IL1R2: variants seen among roughly 807,000 people sequenced by gnomAD.
The protein encoded by IL1R2 is interleukin 1 receptor type 2.
In IL1R2, 46 loss-of-function variants were observed where a neutral mutation model predicts 39.5. That is an observed-to-expected ratio of 1.16 (90% CI 0.92 to 1.49). The LOEUF (loss-of-function observed/expected upper bound fraction) is 1.49. IL1R2 is among the 40% of genes most tolerant of loss of function. The probability of loss-of-function intolerance (pLI) is 0.00; values close to 1 mark genes in which losing one functional copy is unlikely to be tolerated. For missense variants in IL1R2, 537 were observed against 502.0 expected (o/e 1.07, Z -0.67); for synonymous variants, 207 against 189.6 (o/e 1.09, Z -0.75).
intron 3 of IL1R2, among the ~76,000 whole-genome samples, chr2:102,014,566 CAG>C (rs1390417832): frequency 6.6e-6 from 1 of 152,256 alleles, no homozygotes; most frequent in East Asian, 1.9e-4. Flanking sequence ...TAAATATAAA[CAG>C]ATATTGGCTT....
chr2:101,993,033 T>C (rs1675424015), intron 1 of IL1R2, among the ~76,000 whole-genome samples: 1 of 152,140 alleles, frequency 6.6e-6, no homozygotes, highest in Non-Finnish European at 1.5e-5. Flanking sequence ...CAGTGGAATC[T>C]AACACAAGAT....
rs569394644 is a variant in IL1R2 at position 102,016,985 on chromosome 2, T to C, written c.513+934T>C. The stretch of plus-strand genomic sequence containing the variant: ...GAGTAAAGGTACTTGAAATAGTGAT[T>C]TGTGAAGACAGAGTACATAACAGCT... On this transcript the variant is annotated intron_variant, in intron 4 of 8. Coordinates refer to ENST00000332549, the MANE Select transcript of IL1R2 (RefSeq NM_004633.4). 3.3e-5 allele frequency among the ~76,000 whole-genome samples: 5 copies of C among 152,334 alleles called. No individual in the cohort carries two copies. In the South Asian group the frequency reaches 1.0e-3, roughly 32 times the overall value.
rs1473567295 is a variant in IL1R2 at position 102,028,537 on chromosome 2, A to C, written c.*145A>C. ...ATAGTGGCTTTGTAGTAAAGGACTA[A>C]AGTCTTACATTCTGTTTTTTTTTTC... On this transcript the variant is annotated 3_prime_UTR_variant, in exon 9 of 9. Transcript: ENST00000332549. 1.6e-6 allele frequency: 1 copy of C among 635,442 alleles called. No individual in the cohort carries two copies. Among genetic ancestry groups the C allele is most frequent in the Non-Finnish European group, 2.5e-6 (1 of 397,618 alleles). 39.4% of individuals were successfully genotyped at this position (635,442 alleles called of 1,614,324 possible).
chr2:102,014,055 A>G (rs993077284), intron 3 of IL1R2, among the ~76,000 whole-genome samples: 15 of 152,136 alleles, frequency 9.9e-5, no homozygotes, highest in African/African-American at 3.1e-4. Context: ...CTTTTGAGTT[A>G]TTTTTATGAA....
intron 7 of IL1R2, 67 bp downstream of exon 7, chr2:102,024,735 C>G: frequency 6.3e-7 from 1 of 1,596,866 alleles, no homozygotes; most frequent in African/African-American, 1.3e-5. Flanking sequence ...AGACAGTTAT[C>G]ACTATGACCC....
intron 8 of IL1R2, among the ~76,000 whole-genome samples, chr2:102,027,023 T>C (rs1039708969): frequency 6.6e-6 from 1 of 152,204 alleles, no homozygotes; most frequent in Non-Finnish European, 1.5e-5. Flanking sequence ...AAGCCAATGA[T>C]GTGTTCCAGC....
At position 102,015,868 on chromosome 2, in the gene IL1R2, C is replaced by A. The variant is rs1460546907; in HGVS notation, c.333-3C>A. The A allele has an allele frequency of 1.2e-6, 2 of 1,604,940 alleles. No individual in the cohort carries two copies. The highest frequency in any genetic ancestry group is 1.7e-6 in the Non-Finnish European group (2 of 1,173,404). Reference sequence around the variant, plus strand: ...TTTATCTTTTTTTTCCCTTTTAAATCAGAAATGCTTCTTACTGTGACAAAA... The same window carrying A: ...TTTATCTTTTTTTTCCCTTTTAAATAAGAAATGCTTCTTACTGTGACAAAA... On this transcript the variant is annotated splice_polypyrimidine_tract_variant and splice_region_variant and intron_variant, in intron 3 of 8. Transcript: ENST00000332549.
At chr2:102,008,859 CAAA>C (rs763395048) in intron 2 of IL1R2, among the ~76,000 whole-genome samples, 2 of 58,028 alleles carry the variant, frequency 3.4e-5, no homozygotes, top group Non-Finnish European at 4.0e-5. Flanking sequence ...CACGTCTCTA[CAAA>C]AAAAAAAAAA....
Position 102,022,198 on chromosome 2 carries a change from G to C in IL1R2, c.700G>C (p.Glu234Gln), listed in dbSNP as rs1454684686. 6.2e-7 allele frequency: 1 copy of C among 1,613,482 alleles called. No homozygotes were observed. Among genetic ancestry groups the C allele is most frequent in the Non-Finnish European group, 8.5e-7 (1 of 1,179,428 alleles). The change falls in exon 6 of 9, where the codon GAG becomes CAG. Residue 234 changes from glutamate to glutamine, a missense_variant. By Grantham distance (29) the Glu-to-Gln change is conservative (BLOSUM62 2). Transcript: ENST00000332549. The stretch of plus-strand genomic sequence containing the variant: ...TACATCTTTCTCAGAAAAAAAAGAA[G>C]AGACCATTCCTGTGATCATTTCCCC... ...IELRIKKKKE[E>Q]TIPVIISPLK... is the part of the protein sequence containing the mutation.
chr2:102,028,434 C>T lies in IL1R2; in HGVS notation c.*42C>T. On this transcript the variant is annotated 3_prime_UTR_variant, in exon 9 of 9. Coordinates refer to ENST00000332549, the MANE Select transcript of IL1R2 (RefSeq NM_004633.4). ...TAATTCAAACACAAACTCCGTACGTCTTCTCTTATGGAAGTGGCTGTGTCT... is the reference window on the plus strand; with the variant it reads ...TAATTCAAACACAAACTCCGTACGTTTTCTCTTATGGAAGTGGCTGTGTCT... The T allele has an allele frequency of 6.7e-7, 1 of 1,493,252 alleles. No homozygotes were observed. Among genetic ancestry groups the T allele is most frequent in the South Asian group, 1.3e-5 (1 of 75,116 alleles). The allele number at this position is 1,493,252 out of a possible 1,614,324, so 92.5% of individuals were successfully genotyped here.
intron 1 of IL1R2, 34 bp downstream of exon 1, chr2:101,992,045 TGGAGAGAGAGAGAGAAAGAGAGAGAG>T (rs1262260029): frequency 7.4e-5 from 11 of 148,402 alleles, no homozygotes; most frequent in Admixed American, 6.1e-4. Flanking sequence ...TAAGAGGCTT[TGGAGAGAGAGAGAGAAAGAGAGAGAG>T]GGAGAGAGAG....
intron 1 of IL1R2, among the ~76,000 whole-genome samples, chr2:101,995,261 G>A (rs1430585610): frequency 6.6e-6 from 1 of 152,212 alleles, no homozygotes; most frequent in Non-Finnish European, 1.5e-5. Context: ...GGAGGTCAGT[G>A]TCAAGTGGTC....
chr2:102,007,274 G>A (rs779091314), intron 1 of IL1R2, among the ~76,000 whole-genome samples: 1 of 152,180 alleles, frequency 6.6e-6, no homozygotes, highest in Non-Finnish European at 1.5e-5. Context: ...ACTTGTACAA[G>A]CTATTTCTGT....
chr2:102,015,840 C>T, intron 3 of IL1R2, 31 bp from the exon 4 acceptor site: 2 of 1,540,866 alleles, frequency 1.3e-6, no homozygotes, highest in Non-Finnish European at 1.8e-6. Context: ...TTTTGCCTTG[C>T]CATTTATCTT....
chr2:102,022,372 T>A, intron 6 of IL1R2, 123 bp downstream of exon 6: 1 of 792,400 alleles, frequency 1.3e-6, no homozygotes, highest in Non-Finnish European at 2.2e-6. Flanking sequence ...TGTGCCTGGG[T>A]GGAGACCTTA....
Position 102,009,906 on chromosome 2 carries a change from C to G in IL1R2, c.332+80C>G, listed in dbSNP as rs1246652199. On this transcript the variant is annotated intron_variant, in intron 3 of 8. Transcript: ENST00000332549. ...GAGGGTCTTCAGTCATGATCCGGAT[C>G]TCAGAATCCAGTGTACAAAATACAA... The G allele has an allele frequency of 4.0e-6, 6 of 1,482,102 alleles. No individual in the cohort carries two copies. In the African/African-American group the frequency reaches 5.6e-5, roughly 14 times the overall value. The allele number at this position is 1,482,102 out of a possible 1,614,324, so 91.8% of individuals were successfully genotyped here. A position where few individuals can be genotyped will look rare whatever the true frequency, so the allele number is the denominator to read the frequency against.
Position 102,009,641 on chromosome 2 carries a change from G to T in IL1R2, c.147G>T (p.Arg49Ser). 6.2e-7 allele frequency: 1 copy of T among 1,614,182 alleles called. No individual in the cohort carries two copies. The highest frequency in any genetic ancestry group is 8.5e-7 in the Non-Finnish European group (1 of 1,180,034). Residue 49 changes from arginine to serine, a missense_variant, in exon 3 of 9, where the codon AGG becomes AGT. Physicochemically the swap from Arg to Ser is moderately radical, Grantham distance 110. Coordinates refer to ENST00000332549, the MANE Select transcript of IL1R2 (RefSeq NM_004633.4). ...FRLEGEPVAL[R>S]CPQVPYWLWA... is the part of the protein sequence containing the mutation. ...TGGAAGGGGAGCCTGTAGCCCTGAG[G>T]TGCCCCCAGGTGCCCTACTGGTTGT...
intron 7 of IL1R2, among the ~76,000 whole-genome samples, chr2:102,025,204 T>C (rs149383881): frequency 6.6e-6 from 1 of 152,370 alleles, no homozygotes; most frequent in African/African-American, 2.4e-5. Context: ...TCAGACCTTT[T>C]GTAAGTGGGA....
chr2:102,006,764 A>T (rs1351759702), intron 1 of IL1R2, among the ~76,000 whole-genome samples: 1 of 152,242 alleles, frequency 6.6e-6, no homozygotes. Flanking sequence ...CAGAAGAGTC[A>T]GGCATGGCAG....
Sources: allele counts gnomAD v4.1 joint callset (sites outside exome capture counted in the v4.1 genomes callset), GRCh38; gene constraint gnomAD v4.1.1; transcripts MANE v1.5; gene names NCBI Gene and HGNC (gene_info 2026-07-23, HGNC 2026-07-21).